Variants in TWSG1 observed in about 807,000 individuals in gnomAD.
TWSG1 encodes the protein twisted gastrulation BMP signaling modulator 1.
A neutral mutation model predicts 23.0 loss-of-function variants in TWSG1; 15 were observed. That is an observed-to-expected ratio of 0.65 (90% CI 0.44 to 1.00). TWSG1 has a LOEUF of 1.00. TWSG1 is among the 50% of genes least tolerant of loss of function. TWSG1 has a pLI of 0.00. For synonymous variants in TWSG1, 86 were observed against 92.8 expected (o/e 0.93, Z 0.42); for missense variants, 242 against 278.7 (o/e 0.87, Z 0.94).
At chr18:9,350,067 G>T (rs1049110753) in intron 2 of TWSG1, among the ~76,000 whole-genome samples, 1 of 152,082 alleles carries the variant, frequency 6.6e-6, no homozygotes, top group Non-Finnish European at 1.5e-5. Flanking sequence ...TTGAACCCAG[G>T]AGGTGGAGGT....
rs148871673 is a variant in TWSG1 at position 9,336,595 on chromosome 18, A to C, written c.-37-598A>C. ...TTAAAATTTTGTTTTGATTCTAAGA[A>C]TTAAAATTAAATATCTTAAAATTAT... On this transcript the variant is annotated intron_variant, in intron 1 of 4. Coordinates refer to ENST00000262120, the MANE Select transcript of TWSG1 (RefSeq NM_020648.6). Among the ~76,000 whole-genome samples the C allele has an allele frequency of 4.4e-3, 673 of 152,238 alleles. 3 individuals are homozygous for C. Among genetic ancestry groups the C allele is most frequent in the African/African-American group, 0.015 (642 of 41,556 alleles).
At chr18:9,373,954 A>C (rs1048510999) in intron 3 of TWSG1, among the ~76,000 whole-genome samples, 1 of 152,228 alleles carries the variant, frequency 6.6e-6, no homozygotes, top group Admixed American at 6.5e-5. Context: ...ACTTCTAAAC[A>C]CATGGATGAA....
At chr18:9,396,166 A>T in intron 3 of TWSG1, 114 bp from the exon 4 acceptor site, 1 of 856,468 alleles carries the variant, frequency 1.2e-6, no homozygotes, top group Non-Finnish European at 1.7e-6. Context: ...AAAAAAAAAA[A>T]AAAGGTAGGA....
intron 3 of TWSG1, among the ~76,000 whole-genome samples, chr18:9,380,629 C>A (rs991366484): frequency 6.6e-6 from 1 of 152,192 alleles, no homozygotes; most frequent in Non-Finnish European, 1.5e-5. Flanking sequence ...AAGCTGTAGT[C>A]TATGAACTTA....
chr18:9,384,283 G>C (rs868558839), intron 3 of TWSG1, among the ~76,000 whole-genome samples: 82 of 152,182 alleles, frequency 5.4e-4, no homozygotes, highest in African/African-American at 1.8e-3. Context: ...CTAAGACCCA[G>C]GTATGTTAGG....
At chr18:9,375,519 T>G (rs766685192) in intron 3 of TWSG1, among the ~76,000 whole-genome samples, 1 of 152,070 alleles carries the variant, frequency 6.6e-6, no homozygotes, top group African/African-American at 2.4e-5. Context: ...AAATAAAAGG[T>G]GTACAGAGTA....
intron 2 of TWSG1, 70 bp downstream of exon 2, chr18:9,337,422 A>T: frequency 6.6e-7 from 1 of 1,525,468 alleles, no homozygotes; most frequent in Non-Finnish European, 9.0e-7. Context: ...TTATATACAG[A>T]TATAGAGTGC....
intron 3 of TWSG1, among the ~76,000 whole-genome samples, chr18:9,364,369 T>C (rs1260059436): frequency 1.3e-5 from 2 of 152,168 alleles, no homozygotes. Flanking sequence ...CTTTTAGTAA[T>C]GCTAAAATTG....
intron 3 of TWSG1, among the ~76,000 whole-genome samples, chr18:9,395,109 T>C (rs941729003): frequency 6.6e-6 from 1 of 152,184 alleles, no homozygotes; most frequent in African/African-American, 2.4e-5. Flanking sequence ...CTTTAGTCTT[T>C]CTCTTGACAG....
chr18:9,380,338 A>T (rs1333201413), intron 3 of TWSG1, among the ~76,000 whole-genome samples: 1 of 152,134 alleles, frequency 6.6e-6, no homozygotes, highest in Non-Finnish European at 1.5e-5. Context: ...ACTAGTATGG[A>T]GGAAAGCCAG....
intron 2 of TWSG1, among the ~76,000 whole-genome samples, chr18:9,342,896 A>C (rs903894783): frequency 1.3e-5 from 2 of 152,086 alleles, no homozygotes; most frequent in Admixed American, 1.3e-4. Context: ...CTTTCACCTG[A>C]CTGATGGTTT....
At chr18:9,339,412 C>G (rs1163959513) in intron 2 of TWSG1, among the ~76,000 whole-genome samples, 2 of 152,116 alleles carry the variant, frequency 1.3e-5, no homozygotes, top group Non-Finnish European at 2.9e-5. Context: ...TCTGGTGTAG[C>G]TGGGACTACA....
chr18:9,400,174 T>C lies in TWSG1; in HGVS notation c.*647T>C, dbSNP rs188823569. ...GTGTTGACAAAGCTTTAGAGAAAGT[T>C]TCCTATTCTCTTCCATTTCCCCTGC... On this transcript the variant is annotated 3_prime_UTR_variant, in exon 5 of 5. Coordinates refer to ENST00000262120, the MANE Select transcript of TWSG1 (RefSeq NM_020648.6). 11 of 152,352 alleles carry C rather than the reference T, an allele frequency of 7.2e-5. No homozygotes were observed. The highest frequency in any genetic ancestry group is 2.6e-4 in the African/African-American group (11 of 41,588). 9.4% of individuals were successfully genotyped at this position (152,352 alleles called of 1,614,324 possible).
chr18:9,343,365 T>G (rs894339296), intron 2 of TWSG1, among the ~76,000 whole-genome samples: 1 of 151,356 alleles, frequency 6.6e-6, no homozygotes, highest in African/African-American at 2.4e-5. Flanking sequence ...CTGGAACTCT[T>G]ATTAGTATAA....
intron 3 of TWSG1, among the ~76,000 whole-genome samples, chr18:9,363,387 G>C (rs558419142): frequency 6.6e-6 from 1 of 151,322 alleles, no homozygotes; most frequent in South Asian, 2.1e-4. Flanking sequence ...ACAGTGATAC[G>C]TACTACCTGT....
intron 2 of TWSG1, among the ~76,000 whole-genome samples, chr18:9,345,573 G>C (rs764090186): frequency 6.6e-6 from 1 of 152,034 alleles, no homozygotes; most frequent in Non-Finnish European, 1.5e-5. Flanking sequence ...CACCATAAAC[G>C]GTTTATTTAT....
At chr18:9,344,550 A>C (rs1409219794) in intron 2 of TWSG1, among the ~76,000 whole-genome samples, 1 of 31,224 alleles carries the variant, frequency 3.2e-5, no homozygotes, top group African/African-American at 9.7e-5. Flanking sequence ...TTTTTTTGAG[A>C]GAGGATCTTG....
Position 9,337,343 on chromosome 18 carries a change from C to G in TWSG1, c.114C>G (p.Cys38Trp). The change falls in exon 2 of 5, where the codon TGC becomes TGG. Residue 38 changes from cysteine to tryptophan, a missense_variant. By Grantham distance (215) the Cys-to-Trp change is radical. Transcript: ENST00000262120. ...TCTGTGCTAGTGATGTGAGCAAATGCCTCATTCAGGTAGGACTAAGAGTAC... is the reference window on the plus strand; with the variant it reads ...TCTGTGCTAGTGATGTGAGCAAATGGCTCATTCAGGTAGGACTAAGAGTAC... ...KALCASDVSK[C>W]LIQELCQCRP... 6.2e-7 allele frequency: 1 copy of G among 1,613,124 alleles called. No individual in the cohort carries two copies. The highest frequency in any genetic ancestry group is 8.5e-7 in the Non-Finnish European group (1 of 1,179,894).
At chr18:9,382,439 C>T (rs899218997) in intron 3 of TWSG1, among the ~76,000 whole-genome samples, 4 of 152,098 alleles carry the variant, frequency 2.6e-5, no homozygotes, top group African/African-American at 9.7e-5. Flanking sequence ...AGGAGAATCA[C>T]TTGATCCCAG....
Sources: allele counts gnomAD v4.1 joint callset (sites outside exome capture counted in the v4.1 genomes callset), GRCh38; gene constraint gnomAD v4.1.1; transcripts MANE v1.5; gene names NCBI Gene and HGNC (gene_info 2026-07-23, HGNC 2026-07-21).